JAZF1: variants seen among roughly 807,000 people sequenced by gnomAD.
JAZF1 encodes the protein juxtaposed with another zinc finger protein 1.
JAZF1 carries 8 observed loss-of-function variants against 26.4 expected under a neutral mutation model. The ratio of observed to expected loss-of-function variants is 0.30; its 90% CI spans 0.18 to 0.55. JAZF1 has a LOEUF of 0.55. Among genes scored for constraint, JAZF1 ranks in the 20% least tolerant of loss-of-function variants. JAZF1 has a pLI of 0.94. For missense variants in JAZF1, 199 were observed against 322.0 expected (o/e 0.62, Z 2.92); for synonymous variants, 126 against 122.3 (o/e 1.03, Z -0.20).
At chr7:27,861,009 A>G (rs1257999360) in intron 3 of JAZF1, among the ~76,000 whole-genome samples, 3 of 152,022 alleles carry the variant, frequency 2.0e-5, no homozygotes, top group African/African-American at 4.8e-5. Context: ...CTCTCCCCAC[A>G]TGGGGCCGAT....
At chr7:28,110,411 G>A (rs1335659488) in intron 1 of JAZF1, among the ~76,000 whole-genome samples, 1 of 144,670 alleles carries the variant, frequency 6.9e-6, no homozygotes, top group African/African-American at 2.6e-5. Context: ...GGGCGACAGA[G>A]TGAGACTCCA....
intron 2 of JAZF1, among the ~76,000 whole-genome samples, chr7:27,987,766 A>G (rs1785761445): frequency 6.6e-6 from 1 of 152,232 alleles, no homozygotes; most frequent in African/African-American, 2.4e-5. Context: ...GAAATGGGAA[A>G]AGAAAGAGAG....
intron 1 of JAZF1, among the ~76,000 whole-genome samples, chr7:28,112,560 T>C (rs1251333599): frequency 6.9e-6 from 1 of 145,790 alleles, no homozygotes; most frequent in Non-Finnish European, 1.5e-5. Context: ...AATGCTACAA[T>C]TGGTTTAAGA....
intron 1 of JAZF1, among the ~76,000 whole-genome samples, chr7:28,026,745 G>T (rs896208463): frequency 2.0e-5 from 3 of 152,092 alleles, no homozygotes; most frequent in Non-Finnish European, 4.4e-5. Context: ...TTTACTAAAC[G>T]TTCTCTCAAC....
chr7:28,103,046 T>C (rs1404958838), intron 1 of JAZF1, among the ~76,000 whole-genome samples: 2 of 152,158 alleles, frequency 1.3e-5, no homozygotes, highest in East Asian at 3.9e-4. Context: ...GTAACCATTT[T>C]TGCCCCAGTG....
At chr7:27,918,581 C>T (rs964891564) in intron 2 of JAZF1, among the ~76,000 whole-genome samples, 1 of 152,138 alleles carries the variant, frequency 6.6e-6, no homozygotes, top group Non-Finnish European at 1.5e-5. Flanking sequence ...TCTAGTATTT[C>T]AACTTTTCCA....
At chr7:28,154,838 AG>A (rs1229051266) in intron 1 of JAZF1, among the ~76,000 whole-genome samples, 1 of 152,028 alleles carries the variant, frequency 6.6e-6, no homozygotes, top group Non-Finnish European at 1.5e-5. Context: ...TGAAAAAAAA[AG>A]GGGGCTCTCA....
At chr7:27,977,344 C>A (rs1253175947) in intron 2 of JAZF1, among the ~76,000 whole-genome samples, 1 of 152,148 alleles carries the variant, frequency 6.6e-6, no homozygotes, top group Non-Finnish European at 1.5e-5. Flanking sequence ...TTTCCCAAGA[C>A]CCTTTAACTT....
Position 27,849,761 on chromosome 7 carries a change from A to T in JAZF1, c.386-8894T>A, listed in dbSNP as rs559142576. Among the ~76,000 whole-genome samples the T allele has an allele frequency of 8.0e-3, 1,171 of 146,546 alleles. 9 individuals carry two copies. The highest frequency in any genetic ancestry group is 0.017 in the Middle Eastern group (5 of 290). On this transcript the variant is annotated intron_variant, in intron 3 of 4. Transcript: ENST00000283928. Reference sequence around the variant, plus strand: ...GGAACCCTTACACACAGACACACACACACACACACACACCCCTACACCTCT... The same window carrying T: ...GGAACCCTTACACACAGACACACACTCACACACACACACCCCTACACCTCT...
intron 3 of JAZF1, among the ~76,000 whole-genome samples, chr7:27,845,712 A>AGAAAGG: frequency 1.6e-5 from 1 of 61,880 alleles, no homozygotes; most frequent in Non-Finnish European, 3.1e-5. Flanking sequence ...AAAAAAAAAA[A>AGAAAGG]AAGAAAAGAA....
At chr7:28,158,137 G>A (rs940343396) in intron 1 of JAZF1, among the ~76,000 whole-genome samples, 4 of 149,672 alleles carry the variant, frequency 2.7e-5, no homozygotes, top group Non-Finnish European at 5.9e-5. Context: ...AGACCACATT[G>A]AAAACACGCG....
intron 2 of JAZF1, among the ~76,000 whole-genome samples, chr7:27,964,075 A>G (rs989584040): frequency 1.3e-5 from 2 of 152,184 alleles, no homozygotes; most frequent in Admixed American, 1.3e-4. Flanking sequence ...ATGTTTTGGG[A>G]TTTAGTAAAA....
intron 2 of JAZF1, among the ~76,000 whole-genome samples, chr7:27,899,165 T>A (rs1009826190): frequency 6.6e-6 from 1 of 152,216 alleles, no homozygotes; most frequent in Non-Finnish European, 1.5e-5. Flanking sequence ...CACAGCTGTC[T>A]GTCAAAAGGT....
At chr7:27,838,008 C>CT (rs34890301) in intron 4 of JAZF1, among the ~76,000 whole-genome samples, 40,337 of 143,498 alleles carry the variant, frequency 0.28, 5,701 homozygotes, top group Non-Finnish European at 0.31. Context: ...CTTTGTCTGC[C>CT]TTTTTTTTTT....
Position 27,984,598 on chromosome 7 carries a change from C to T in JAZF1, c.188+7311G>A, listed in dbSNP as rs146768995. ...GAATTGAACTCAGCTCTGCACCAAG[C>T]GGACCTAATAGACATCTACAGAACT... On this transcript the variant is annotated intron_variant, in intron 2 of 4. Coordinates refer to ENST00000283928, the MANE Select transcript of JAZF1 (RefSeq NM_175061.4). Among the ~76,000 whole-genome samples, 47 of 152,270 alleles carry T rather than the reference C, an allele frequency of 3.1e-4. 1 individual carries two copies. Among genetic ancestry groups the T allele is most frequent in the South Asian group, 1.2e-3 (6 of 4,824 alleles).
chr7:28,143,670 G>A (rs1218886848), intron 1 of JAZF1, among the ~76,000 whole-genome samples: 2 of 152,148 alleles, frequency 1.3e-5, no homozygotes, highest in Non-Finnish European at 2.9e-5. Flanking sequence ...CCCAGTCTTT[G>A]GAGCTATAGA....
chr7:28,017,688 C>T (rs1377117453), intron 1 of JAZF1, among the ~76,000 whole-genome samples: 1 of 152,236 alleles, frequency 6.6e-6, no homozygotes, highest in Admixed American at 6.5e-5. Context: ...GTGGGCTCAC[C>T]AGTGAAATCC....
At chr7:27,887,686 G>C (rs979215152) in intron 3 of JAZF1, among the ~76,000 whole-genome samples, 4 of 152,204 alleles carry the variant, frequency 2.6e-5, no homozygotes, top group African/African-American at 9.7e-5. Context: ...AAAGTGCTGG[G>C]ATTACAGGCG....
intron 2 of JAZF1, among the ~76,000 whole-genome samples, chr7:27,925,140 G>GT (rs1159110750): frequency 6.6e-6 from 1 of 152,166 alleles, no homozygotes; most frequent in Non-Finnish European, 1.5e-5. Context: ...ACTAAGGGTG[G>GT]TAACTATCAC....
Sources: allele counts gnomAD v4.1 joint callset (sites outside exome capture counted in the v4.1 genomes callset), GRCh38; gene constraint gnomAD v4.1.1; transcripts MANE v1.5; gene names NCBI Gene and HGNC (gene_info 2026-07-23, HGNC 2026-07-21).